The following WWOX variants were observed in gnomAD, a reference collection of about 807,000 sequenced individuals.
The protein encoded by WWOX is WW domain-containing oxidoreductase.
In WWOX, 69 loss-of-function variants were observed where a neutral mutation model predicts 46.2. That is an observed-to-expected ratio of 1.49 (90% CI 1.23 to 1.82). The LOEUF (loss-of-function observed/expected upper bound fraction) is 1.82, where lower values mean the gene tolerates loss of function less well. WWOX is among the 40% of genes most tolerant of loss of function. The pLI is 0.00. For synonymous variants in WWOX, 359 were observed against 202.6 expected, an observed-to-expected ratio of 1.77 and a Z score of -6.56; for missense variants, 919 against 542.6, an observed-to-expected ratio of 1.69 and a Z score of -6.89.
At chr16:78,337,916 C>A (rs1649860289) in intron 5 of WWOX, among the ~76,000 whole-genome samples, 1 of 114,636 alleles carries the variant, frequency 8.7e-6, no homozygotes, top group Non-Finnish European at 2.1e-5. Flanking sequence ...AGTGCCTGTC[C>A]TGCTAACCTC....
chr16:79,053,234 A>G (rs778473762), intron 8 of WWOX, among the ~76,000 whole-genome samples: 8 of 152,322 alleles, frequency 5.3e-5, no homozygotes, highest in Non-Finnish European at 7.3e-5. Flanking sequence ...TATTGCACAC[A>G]TACGTAATTA....
chr16:78,153,965 T>C (rs75359170), intron 4 of WWOX, among the ~76,000 whole-genome samples: 1 of 152,264 alleles, frequency 6.6e-6, no homozygotes, highest in Non-Finnish European at 1.5e-5. Context: ...TCATGTTTTT[T>C]GTGCCTGAGG....
intron 5 of WWOX, among the ~76,000 whole-genome samples, chr16:78,178,931 C>T (rs1027622390): frequency 1.3e-5 from 2 of 151,700 alleles, no homozygotes; most frequent in Non-Finnish European, 2.9e-5. Flanking sequence ...CGTGTTTAGT[C>T]TGTAAACGCG....
At chr16:78,949,074 C>T (rs1215129269) in intron 8 of WWOX, among the ~76,000 whole-genome samples, 3 of 152,150 alleles carry the variant, frequency 2.0e-5, no homozygotes, top group East Asian at 3.9e-4. Flanking sequence ...TAGGGACCTT[C>T]CACCTACAAT....
chr16:78,768,166 C>A (rs938838328), intron 8 of WWOX, among the ~76,000 whole-genome samples: 32 of 139,232 alleles, frequency 2.3e-4, no homozygotes, highest in African/African-American at 8.3e-4. Context: ...GCGGGGGGGT[C>A]GGTTATTTTA....
chr16:78,961,763 A>G (rs562816503), intron 8 of WWOX, among the ~76,000 whole-genome samples: 72 of 152,136 alleles, frequency 4.7e-4, no homozygotes, highest in Non-Finnish European at 9.0e-4. Context: ...GGGGAACTTT[A>G]TCTTTTAAAC....
intron 5 of WWOX, among the ~76,000 whole-genome samples, chr16:78,291,022 A>G (rs1030264825): frequency 1.3e-5 from 2 of 152,190 alleles, no homozygotes; most frequent in Non-Finnish European, 2.9e-5. Flanking sequence ...TATTTACATT[A>G]TACTTAGGCT....
intron 8 of WWOX, among the ~76,000 whole-genome samples, chr16:78,543,487 C>G (rs1423500643): frequency 6.6e-6 from 1 of 152,216 alleles, no homozygotes; most frequent in Non-Finnish European, 1.5e-5. Context: ...ATTGCTTGGT[C>G]ATTGCAGCTT....
chr16:79,169,522 G>A (rs1357814895), intron 8 of WWOX, among the ~76,000 whole-genome samples: 5 of 152,180 alleles, frequency 3.3e-5, no homozygotes, highest in Non-Finnish European at 7.3e-5. Flanking sequence ...CCACCTCCTG[G>A]CTGTCCTTTT....
At chr16:78,583,702 C>G (rs1443737807) in intron 8 of WWOX, among the ~76,000 whole-genome samples, 3 of 152,164 alleles carry the variant, frequency 2.0e-5, no homozygotes, top group Non-Finnish European at 4.4e-5. Context: ...GGCCCAGGAA[C>G]CCGTGCCCTG....
chr16:79,180,069 C>T (rs929318104), intron 8 of WWOX, among the ~76,000 whole-genome samples: 2 of 151,920 alleles, frequency 1.3e-5, no homozygotes, highest in Non-Finnish European at 2.9e-5. Context: ...TTGAGAGATT[C>T]TATTGTGCAC....
intron 8 of WWOX, among the ~76,000 whole-genome samples, chr16:78,783,347 A>T (rs1023289248): frequency 5.3e-5 from 8 of 152,344 alleles, no homozygotes; most frequent in African/African-American, 1.9e-4. Flanking sequence ...GCTTGGGCTG[A>T]TGGAGAGGGC....
chr16:78,315,930 G>A (rs959073984), intron 5 of WWOX, among the ~76,000 whole-genome samples: 6 of 151,842 alleles, frequency 4.0e-5, no homozygotes, highest in Admixed American at 6.6e-5. Flanking sequence ...CAGGTTTCTC[G>A]TTTTCTTTTG....
chr16:79,086,250 G>C (rs1048042521), intron 8 of WWOX, among the ~76,000 whole-genome samples: 1 of 152,172 alleles, frequency 6.6e-6, no homozygotes, highest in African/African-American at 2.4e-5. Context: ...TGTCTGAGAA[G>C]TTCAGGCAAC....
At position 78,537,772 on chromosome 16, in the gene WWOX, T is replaced by C. The variant is rs143138400; in HGVS notation, c.1056+105020T>C. Among the ~76,000 whole-genome samples, 23 of 152,238 alleles carry C rather than the reference T, an allele frequency of 1.5e-4. 2 individuals carry two copies. In the East Asian group the frequency reaches 4.5e-3, roughly 30 times the overall value. ...GGAAGCTGGATTTGGCAGCTGGTTT[T>C]GTCTGGATTTGAAAGGGAGGTAATC... On this transcript the variant is annotated intron_variant, in intron 8 of 8. Coordinates refer to ENST00000566780, the MANE Select transcript of WWOX (RefSeq NM_016373.4).
chr16:78,355,229 A>G (rs931629541), intron 5 of WWOX, among the ~76,000 whole-genome samples: 66 of 139,964 alleles, frequency 4.7e-4, no homozygotes, highest in African/African-American at 1.6e-3. Flanking sequence ...CTCTGAAGTC[A>G]TTGCTCCTGT....
intron 8 of WWOX, among the ~76,000 whole-genome samples, chr16:78,538,482 T>C (rs1434068917): frequency 6.6e-6 from 1 of 152,202 alleles, no homozygotes; most frequent in African/African-American, 2.4e-5. Flanking sequence ...AATGACTCCA[T>C]GGATGACCTT....
chr16:78,873,316 G>T (rs1192262778), intron 8 of WWOX: 1 of 152,136 alleles, frequency 6.6e-6, no homozygotes, highest in Non-Finnish European at 1.5e-5. Context: ...ATTAAGAAGG[G>T]ACTAGCTCCT....
chr16:78,753,801 C>CAAAA (rs869066028), intron 8 of WWOX, among the ~76,000 whole-genome samples: 6 of 29,138 alleles, frequency 2.1e-4, no homozygotes, highest in East Asian at 1.8e-3. Context: ...GACCCTATAT[C>CAAAA]AAAAAAAAAA....
Sources: allele counts gnomAD v4.1 joint callset (sites outside exome capture counted in the v4.1 genomes callset), GRCh38; gene constraint gnomAD v4.1.1; transcripts MANE v1.5; gene names NCBI Gene and HGNC (gene_info 2026-07-23, HGNC 2026-07-21).